Variants in PHACTR3 observed in about 807,000 individuals in gnomAD.
The protein encoded by PHACTR3 is protein phosphatase 1, regulatory subunit 123.
PHACTR3 carries 16 observed loss-of-function variants against 66.8 expected under a neutral mutation model. That is an observed-to-expected ratio of 0.24 (90% CI 0.16 to 0.36). The LOEUF is 0.36. PHACTR3 is among the 10% of genes least tolerant of loss of function. PHACTR3 has a pLI of 1.00. For missense variants in PHACTR3, 647 were observed against 719.9 expected, an observed-to-expected ratio of 0.90 and a Z score of 1.16; for synonymous variants, 323 against 292.1, an observed-to-expected ratio of 1.11 and a Z score of -1.08.
intron 1 of PHACTR3, among the ~76,000 whole-genome samples, chr20:59,717,992 G>A (rs922935010): frequency 7.2e-5 from 11 of 152,202 alleles, no homozygotes; most frequent in Admixed American, 1.3e-4. Flanking sequence ...GGAAAAGGTC[G>A]CAAGTGGAAG....
chr20:59,730,583 C>G (rs1445187502), intron 1 of PHACTR3, among the ~76,000 whole-genome samples: 3 of 152,144 alleles, frequency 2.0e-5, no homozygotes, highest in Admixed American at 1.3e-4. Flanking sequence ...TGATGCTGGA[C>G]TGCCCCCAGG....
At chr20:59,838,147 CTCGGAAGCCCTCTCTAGTGTCCTGAGT>C (rs1201520573) in intron 9 of PHACTR3, among the ~76,000 whole-genome samples, 2 of 152,166 alleles carry the variant, frequency 1.3e-5, no homozygotes, top group East Asian at 3.8e-4. Flanking sequence ...TTGTCCTTAG[CTCGGAAGCCCTCTCTAGTGTCCTGAGT>C]GGAAGGACCT....
At chr20:59,623,847 G>T (rs1231053411) in intron 1 of PHACTR3, among the ~76,000 whole-genome samples, 1 of 152,174 alleles carries the variant, frequency 6.6e-6, no homozygotes, top group African/African-American at 2.4e-5. Flanking sequence ...GAGGGTTTTT[G>T]TCTGTATCCT....
chr20:59,675,380 T>C (rs1335035942), intron 1 of PHACTR3, among the ~76,000 whole-genome samples: 3 of 152,110 alleles, frequency 2.0e-5, no homozygotes, highest in African/African-American at 7.2e-5. Flanking sequence ...AATTTGGACC[T>C]GGATCTGAGT....
chr20:59,723,796 G>T (rs989325666), intron 1 of PHACTR3, among the ~76,000 whole-genome samples: 5 of 151,998 alleles, frequency 3.3e-5, no homozygotes, highest in African/African-American at 1.2e-4. Flanking sequence ...TCTGGGGTGT[G>T]GTCAGGAGTA....
intron 1 of PHACTR3, among the ~76,000 whole-genome samples, chr20:59,663,078 T>C (rs976461611): frequency 6.6e-6 from 1 of 152,234 alleles, no homozygotes; most frequent in African/African-American, 2.4e-5. Flanking sequence ...CTGCAAGCCC[T>C]GCTTGGCTGC....
intron 1 of PHACTR3, among the ~76,000 whole-genome samples, chr20:59,741,874 T>C (rs149750883): frequency 0.031 from 4,749 of 152,172 alleles, 99 homozygotes; most frequent in Middle Eastern, 0.058. Flanking sequence ...ACAATTATCC[T>C]GTCTCAGCCT....
intron 3 of PHACTR3, among the ~76,000 whole-genome samples, chr20:59,752,032 C>T (rs1267324324): frequency 6.6e-6 from 1 of 152,212 alleles, no homozygotes; most frequent in Admixed American, 6.5e-5. Context: ...GAATTTCCTA[C>T]CCCGTCATTG....
intron 7 of PHACTR3, among the ~76,000 whole-genome samples, chr20:59,775,159 T>C (rs1168712966): frequency 1.1e-5 from 1 of 91,002 alleles, no homozygotes; most frequent in Non-Finnish European, 3.0e-5. Context: ...GACCACCCTG[T>C]GATGAAGGGA....
chr20:59,770,653 A>G (rs1356911877), intron 5 of PHACTR3, among the ~76,000 whole-genome samples: 1 of 152,190 alleles, frequency 6.6e-6, no homozygotes, highest in Non-Finnish European at 1.5e-5. Flanking sequence ...ACTTTCTTGA[A>G]AAGTCTTCAT....
At chr20:59,765,690 T>A (rs1229053265) in intron 4 of PHACTR3, among the ~76,000 whole-genome samples, 1 of 152,224 alleles carries the variant, frequency 6.6e-6, no homozygotes, top group Non-Finnish European at 1.5e-5. Context: ...GGAGGCTCTC[T>A]GCAGGCAGGA....
chr20:59,733,466 G>T (rs1450549114), intron 1 of PHACTR3, among the ~76,000 whole-genome samples: 3 of 152,142 alleles, frequency 2.0e-5, no homozygotes, highest in African/African-American at 7.2e-5. Context: ...AGTGCTCAGT[G>T]CTTCCGTGTG....
chr20:59,776,008 T>G (rs1195690765), intron 7 of PHACTR3, among the ~76,000 whole-genome samples: 1 of 152,202 alleles, frequency 6.6e-6, no homozygotes, highest in Non-Finnish European at 1.5e-5. Flanking sequence ...CAGATGCCCC[T>G]GAGGGGCAGA....
intron 1 of PHACTR3, among the ~76,000 whole-genome samples, chr20:59,715,279 TGAAATTAAA>T (rs1445937682): frequency 1.3e-5 from 2 of 152,226 alleles, no homozygotes; most frequent in African/African-American, 4.8e-5. Flanking sequence ...ATATTCCTCA[TGAAATTAAA>T]GAAATTTCCT....
In PHACTR3 at chr20:59,743,125, C is replaced by A; in HGVS notation, c.137C>A (p.Pro46His). ...GENPDEMDQT[P>H]PARPEYLVSG... Reference sequence around the variant, plus strand: ...CTTCCAGATGAGATGGACCAAACGCCCCCGGCGCGTCCTGAATATCTGGTC... The same window carrying A: ...CTTCCAGATGAGATGGACCAAACGCACCCGGCGCGTCCTGAATATCTGGTC... The change falls in exon 2 of 13, where the codon CCC (proline) becomes CAC (histidine). Residue 46 changes from proline to histidine, a missense_variant. Coordinates refer to ENST00000371015, the MANE Select transcript of PHACTR3 (RefSeq NM_080672.5). 6.2e-7 allele frequency: 1 copy of A among 1,613,806 alleles called. No homozygotes were observed. The highest frequency in any genetic ancestry group is 8.5e-7 in the Non-Finnish European group (1 of 1,179,862).
intron 1 of PHACTR3, among the ~76,000 whole-genome samples, chr20:59,730,482 T>C (rs2038724251): frequency 6.6e-6 from 1 of 152,012 alleles, no homozygotes; most frequent in Non-Finnish European, 1.5e-5. Flanking sequence ...TGGGGAGCAA[T>C]ATAAGGCCCT....
exon 1 of PHACTR3, chr20:59,577,544 T>C: frequency 8.5e-7 from 1 of 1,182,702 alleles, no homozygotes; most frequent in Non-Finnish European, 1.0e-6. Context: ...CCCGCTGTCC[T>C]GCGCCCCTGC....
At chr20:59,776,202 G>A (rs999601575) in intron 7 of PHACTR3, among the ~76,000 whole-genome samples, 6 of 152,258 alleles carry the variant, frequency 3.9e-5, no homozygotes, top group Middle Eastern at 6.8e-3. Context: ...TCTTGTGTCC[G>A]GGATGCTGGT....
chr20:59,620,538 T>A (rs1457644326), intron 1 of PHACTR3, among the ~76,000 whole-genome samples: 3 of 152,208 alleles, frequency 2.0e-5, no homozygotes, highest in African/African-American at 7.2e-5. Flanking sequence ...TGTCCCTAAA[T>A]GAGGGGTTGT....
Sources: gnomAD v4.1 joint callset for allele counts (sites outside exome capture counted in the v4.1 genomes callset) on GRCh38, gnomAD v4.1.1 for gene constraint, MANE v1.5 for transcripts, NCBI Gene and HGNC (gene_info 2026-07-23, HGNC 2026-07-21) for gene names.